The following SGTB variants were observed in gnomAD, a reference collection of about 807,000 sequenced individuals.
SGTB encodes the protein small glutamine rich tetratricopeptide repeat co-chaperone beta.
In SGTB, 19 loss-of-function variants were observed where a neutral mutation model predicts 43.9. The observed-to-expected ratio is 0.43, with a 90% CI of 0.30 to 0.63. The LOEUF (loss-of-function observed/expected upper bound fraction) is 0.63. Ranked by LOEUF, SGTB falls within the 30% of genes least tolerant of loss-of-function variation. The pLI, the probability that SGTB is intolerant of heterozygous loss-of-function variation, is 0.12. For missense variants in SGTB, 304 were observed against 358.9 expected (o/e 0.85, Z 1.24); for synonymous variants, 116 against 117.3 (o/e 0.99, Z 0.07).
At chr5:65,702,064 G>A (rs984676239) in intron 5 of SGTB, among the ~76,000 whole-genome samples, 2 of 152,152 alleles carry the variant, frequency 1.3e-5, no homozygotes, top group African/African-American at 2.4e-5. Context: ...AGAACATTTC[G>A]ATCACTGTAG....
chr5:65,671,914 C>T lies in SGTB; in HGVS notation c.803+1G>A, dbSNP rs1362882252. On this transcript the variant is annotated splice_donor_variant, in intron 10 of 10. Coordinates refer to ENST00000381007, the MANE Select transcript of SGTB (RefSeq NM_019072.3). LOFTEE classifies it high-confidence loss of function. ...CTATTTCTGTTTTAAATAATACTTA[C>T]GCTTGGATGAGGCTTGACAGGTCAG... 10 of 1,613,176 alleles carry T rather than the reference C, an allele frequency of 6.2e-6. No individual in the cohort carries two copies. The highest frequency in any genetic ancestry group is 2.2e-5 in the South Asian group (2 of 91,006).
chr5:65,707,495 C>T (rs1466502427), intron 4 of SGTB, among the ~76,000 whole-genome samples: 2 of 148,766 alleles, frequency 1.3e-5, no homozygotes, highest in African/African-American at 2.5e-5. Flanking sequence ...AGTACAGTGG[C>T]GTGATCTCGG....
intron 4 of SGTB, among the ~76,000 whole-genome samples, chr5:65,705,250 C>T (rs1757907155): frequency 6.8e-6 from 1 of 147,284 alleles, no homozygotes; most frequent in African/African-American, 2.5e-5. Flanking sequence ...CGAGTCCAGC[C>T]TGGGCAATAT....
At chr5:65,708,357 G>T in intron 4 of SGTB, 132 bp downstream of exon 4, 2 of 679,442 alleles carry the variant, frequency 2.9e-6, no homozygotes, top group Non-Finnish European at 4.8e-6. Flanking sequence ...ATTCATTTCT[G>T]TTTCGTAATT....
At chr5:65,680,199 A>G (rs1240174490) in intron 8 of SGTB, among the ~76,000 whole-genome samples, 1 of 152,228 alleles carries the variant, frequency 6.6e-6, no homozygotes, top group Non-Finnish European at 1.5e-5. Context: ...GAGAGGAAGG[A>G]TCACGAAGAA....
rs952084011 is a variant in SGTB, at chr5:65,681,836, A to G, written c.480-1042T>C. On this transcript the variant is annotated intron_variant, in intron 6 of 10. Coordinates refer to ENST00000381007, the MANE Select transcript of SGTB (RefSeq NM_019072.3). Reference sequence around the variant, plus strand: ...CTAAAAATACAAAAATTAGCCAAGCATGGTGGCAGACGCCTGTAATCCCAG... The same window carrying G: ...CTAAAAATACAAAAATTAGCCAAGCGTGGTGGCAGACGCCTGTAATCCCAG... Among the ~76,000 whole-genome samples the G allele has an allele frequency of 6.6e-5, 10 of 152,086 alleles. 1 individual carries two copies. The South Asian group carries it at 1.7e-3, about 25-fold the overall frequency.
intron 5 of SGTB, among the ~76,000 whole-genome samples, chr5:65,701,717 C>T (rs1757827458): frequency 6.6e-6 from 1 of 150,710 alleles, no homozygotes; most frequent in South Asian, 2.1e-4. Context: ...TCTACAAGCT[C>T]CGCCTCCAGG....
intron 8 of SGTB, among the ~76,000 whole-genome samples, chr5:65,673,768 G>C (rs1203574876): frequency 6.6e-6 from 1 of 151,730 alleles, no homozygotes; most frequent in Non-Finnish European, 1.5e-5. Context: ...TGATTCTCCT[G>C]CCTCAGCCAC....
chr5:65,722,538 C>A (rs1173480522), upstream of SGTB: 2 of 893,184 alleles, frequency 2.2e-6, no homozygotes, highest in African/African-American at 1.8e-5. Context: ...GACGCACCCT[C>A]CCCGCGGCTT....
Position 65,680,737 on chromosome 5 carries a change from TGC to T in SGTB, c.535_536del (p.Ala179IlefsTer4). On this transcript the variant is annotated frameshift_variant, in exon 7 of 11. Coordinates refer to ENST00000381007, the MANE Select transcript of SGTB (RefSeq NM_019072.3). LOFTEE classifies it high-confidence loss of function. ...FEEAVTSYQK[A>X]LDLDPENDSY... ...AATCATTTTCAGGGTCAAGATCTAA[TGC>T]CTTTTGATAACTTGTAACTGCTTCT... 1 of 1,614,076 alleles carries T rather than the reference TGC, an allele frequency of 6.2e-7. No homozygotes were observed. Among genetic ancestry groups the T allele is most frequent in the Non-Finnish European group, 8.5e-7 (1 of 1,179,996 alleles).
chr5:65,683,901 G>A (rs1482266735), intron 6 of SGTB, among the ~76,000 whole-genome samples: 5 of 150,896 alleles, frequency 3.3e-5, no homozygotes, highest in South Asian at 2.1e-4. Context: ...AGCTGAGATC[G>A]CGCCACTGCA....
At chr5:65,671,156 T>C (rs1208614364) in intron 10 of SGTB, among the ~76,000 whole-genome samples, 2 of 152,230 alleles carry the variant, frequency 1.3e-5, no homozygotes, top group East Asian at 3.8e-4. Flanking sequence ...TTTAAGAGGA[T>C]ATTTGACCTT....
intron 5 of SGTB, among the ~76,000 whole-genome samples, chr5:65,686,461 A>C (rs1201976020): frequency 6.6e-6 from 1 of 151,678 alleles, no homozygotes; most frequent in Non-Finnish European, 1.5e-5. Context: ...TCCCACTGCA[A>C]TCTGAGAAGC....
chr5:65,699,528 G>A (rs1401847185), intron 5 of SGTB, among the ~76,000 whole-genome samples: 1 of 152,150 alleles, frequency 6.6e-6, no homozygotes, highest in African/African-American at 2.4e-5. Flanking sequence ...TACCCCCAAA[G>A]CTACTGAAAT....
At chr5:65,685,321 T>C (rs1757478248) in intron 6 of SGTB, 47 bp downstream of exon 6, 5 of 1,539,922 alleles carry the variant, frequency 3.2e-6, no homozygotes, top group Non-Finnish European at 4.5e-6. Flanking sequence ...AAGAACAGCA[T>C]ACCTGATGCT....
chr5:65,695,070 A>G (rs1401132713), intron 5 of SGTB, among the ~76,000 whole-genome samples: 6 of 151,994 alleles, frequency 3.9e-5, no homozygotes, highest in Non-Finnish European at 2.9e-5. Flanking sequence ...CACATCTTAG[A>G]AAAAAAACGT....
At chr5:65,697,916 G>C (rs554541635) in intron 5 of SGTB, among the ~76,000 whole-genome samples, 1 of 152,186 alleles carries the variant, frequency 6.6e-6, no homozygotes, top group Non-Finnish European at 1.5e-5. Flanking sequence ...GCCACAACAT[G>C]GTTGAATCTC....
intron 2 of SGTB, among the ~76,000 whole-genome samples, chr5:65,719,110 C>T (rs1758205292): frequency 6.6e-6 from 1 of 152,174 alleles, no homozygotes; most frequent in Non-Finnish European, 1.5e-5. Context: ...CTCACTGCCA[C>T]CTGGAAAGAC....
chr5:65,722,630 T>G (rs1251864567), upstream of SGTB: 1 of 529,710 alleles, frequency 1.9e-6, no homozygotes, highest in Non-Finnish European at 3.3e-6. Flanking sequence ...AGGACGTCCA[T>G]TCCTCTTTGT....
Sources: gnomAD v4.1 joint callset for allele counts (sites outside exome capture counted in the v4.1 genomes callset) on GRCh38, gnomAD v4.1.1 for gene constraint, MANE v1.5 for transcripts, NCBI Gene and HGNC (gene_info 2026-07-23, HGNC 2026-07-21) for gene names.